PITPNM1: variants seen among roughly 807,000 people sequenced by gnomAD.
PITPNM1 encodes membrane-associated phosphatidylinositol transfer protein 1.
PITPNM1 carries 74 observed loss-of-function variants against 133.3 expected under a neutral mutation model. The observed-to-expected ratio is 0.56, with a 90% CI of 0.46 to 0.67. The LOEUF is 0.67. Ranked by LOEUF, PITPNM1 falls within the 30% of genes least tolerant of loss-of-function variation. The pLI, the probability that PITPNM1 is intolerant of heterozygous loss-of-function variation, is 0.00. For missense variants in PITPNM1, 1,398 were observed against 1,739.5 expected (o/e 0.80, Z 3.49); for synonymous variants, 738 against 741.4 (o/e 1.00, Z 0.08).
chr11:67,492,303 G>T lies in PITPNM1; in HGVS notation c.3472-7C>A. ...CATAGCCGTCTGACAGGAACTGTGG[G>T]CAGAGGTAGGCAGCGATGAGGGGGT... On this transcript the variant is annotated splice_region_variant and splice_polypyrimidine_tract_variant and intron_variant, in intron 23 of 23. Transcript: ENST00000356404. 6.5e-7 allele frequency: 1 copy of T among 1,546,760 alleles called. No individual in the cohort carries two copies.
In PITPNM1 at chr11:67,497,977, T is replaced by A. The variant is rs1591059858; in HGVS notation, c.1722A>T (p.Ala574=). Residue 574 remains alanine (A), a synonymous_variant, in exon 12 of 24, where the codon GCA becomes GCT. Coordinates refer to ENST00000356404, the MANE Select transcript of PITPNM1 (RefSeq NM_004910.3). ...DGVGGILGFD[A]LCHSANAGTG... ...TGCCCGCGTTAGCACTGTGGCAGAG[T>A]GCATCAAAGCCCAGGATGCCACCAA... The A allele has an allele frequency of 4.3e-6, 7 of 1,610,912 alleles. No individual in the cohort carries two copies. The highest frequency in any genetic ancestry group is 5.9e-6 in the Non-Finnish European group (7 of 1,179,910).
chr11:67,494,885 C>T lies in PITPNM1; in HGVS notation c.2703G>A (p.Arg901=), dbSNP rs1251923015. The T allele has an allele frequency of 1.2e-6, 2 of 1,612,888 alleles. No individual in the cohort carries two copies. Among genetic ancestry groups the T allele is most frequent in the South Asian group, 1.1e-5 (1 of 91,092 alleles). The change falls in exon 18 of 24, where the codon AGG becomes AGA. Residue 901 remains arginine, a synonymous_variant. Coordinates refer to ENST00000356404, the MANE Select transcript of PITPNM1 (RefSeq NM_004910.3). ...GCGTGCGTTTTCGCTGCCACTTCTC[C>T]CTGGGGAAGGCCGGGCTGTAGATGG... ...EPSIYSPAFP[R]EKWQRKRTQV... is the part of the protein sequence containing the mutation.
upstream of PITPNM1, among the ~76,000 whole-genome samples, chr11:67,505,571 G>A (rs1866480550): frequency 6.6e-6 from 1 of 152,190 alleles, no homozygotes; most frequent in Non-Finnish European, 1.5e-5. The surrounding 1 kb of genome is among the most constrained non-coding windows in gnomAD (Gnocchi z 5.8). Flanking sequence ...TGTGCTGATT[G>A]GGGTCCCCAA....
chr11:67,492,669 C>G (rs558072478), intron 23 of PITPNM1, among the ~76,000 whole-genome samples: 1 of 152,360 alleles, frequency 6.6e-6, no homozygotes, highest in South Asian at 2.1e-4. Flanking sequence ...AGCTGAGGCT[C>G]AGAAAGGTCA....
At position 67,493,744 on chromosome 11, in the gene PITPNM1, G is replaced by T. The variant is rs745914546; in HGVS notation, c.3102C>A (p.Ser1034Arg). 6.5e-7 allele frequency: 1 copy of T among 1,548,466 alleles called. No homozygotes were observed. Among genetic ancestry groups the T allele is most frequent in the Non-Finnish European group, 8.7e-7 (1 of 1,147,280 alleles). The change falls in exon 21 of 24, where the codon AGC becomes AGA. Residue 1034 changes from serine (S) to arginine (R), a missense_variant. Transcript: ENST00000356404. ...TGGGGTCGCTGCCCATGATGGAGAC[G>T]CTGGCGGTGAAGGAGCCGTCGATGC... ...VFSIDGSFTA[S>R]VSIMGSDPKV...
In PITPNM1 at chr11:67,502,244, A is replaced by G. The variant is rs760378877; in HGVS notation, c.415+48T>C. The stretch of plus-strand genomic sequence containing the variant: ...TCAGAGGCTGCCCACTGAGGCAGCC[A>G]GGAGCCTGAGAGGGGCGCCAGGGTC... On this transcript the variant is annotated intron_variant, in intron 4 of 23. Coordinates refer to ENST00000356404, the MANE Select transcript of PITPNM1 (RefSeq NM_004910.3). The surrounding 1 kb of genome is among the most constrained non-coding windows in gnomAD (Gnocchi z 5.9). The G allele has an allele frequency of 6.3e-7, 1 of 1,598,752 alleles. No homozygotes were observed. The highest frequency in any genetic ancestry group is 8.5e-7 in the Non-Finnish European group (1 of 1,172,690).
Position 67,504,234 on chromosome 11 carries a change from A to T in PITPNM1, c.-41-13T>A, listed in dbSNP as rs1866422270. On this transcript the variant is annotated splice_polypyrimidine_tract_variant and intron_variant, in intron 1 of 23. Coordinates refer to ENST00000356404, the MANE Select transcript of PITPNM1 (RefSeq NM_004910.3). This position sits in a 1 kb window ranked among gnomAD's most constrained non-coding sequence, Gnocchi z 5.4. ...GCCTCCGCTCCTCCTGGCGCAGGGC[A>T]CGGCGCGACAGTCAGTGCGGGGAGG... 7.4e-7 allele frequency: 1 copy of T among 1,358,636 alleles called. No individual in the cohort carries two copies. Among genetic ancestry groups the T allele is most frequent in the South Asian group, 1.3e-5 (1 of 79,466 alleles). The allele number at this position is 1,358,636 out of a possible 1,614,324, so 84.2% of individuals were successfully genotyped here.
chr11:67,497,410 G>T lies in PITPNM1; in HGVS notation c.1967C>A (p.Ser656Tyr). 1 of 1,591,552 alleles carries T rather than the reference G, an allele frequency of 6.3e-7. No individual in the cohort carries two copies. Among genetic ancestry groups the T allele is most frequent in the African/African-American group, 1.3e-5 (1 of 74,530 alleles). ...NSLQAAPATT[S>Y]SWEPRRASTA... ...GCTTGCCCGCCGGGGCTCCCAGGAGGAGGTGGTTGCGGGGGCTGCCTGAAG... is the reference window on the plus strand; with the variant it reads ...GCTTGCCCGCCGGGGCTCCCAGGAGTAGGTGGTTGCGGGGGCTGCCTGAAG... Residue 656 changes from serine (S) to tyrosine (Y), a missense_variant, in exon 14 of 24, where the codon TCC becomes TAC. Physicochemically the swap from Ser to Tyr is moderately radical, Grantham distance 144. Coordinates refer to ENST00000356404, the MANE Select transcript of PITPNM1 (RefSeq NM_004910.3).
intron 23 of PITPNM1, 84 bp downstream of exon 23, chr11:67,492,850 C>T (rs1865976329): frequency 2.0e-6 from 3 of 1,507,568 alleles, no homozygotes; most frequent in South Asian, 2.5e-5. Flanking sequence ...CACATCTTCC[C>T]CAGAGTCCGT....
intron 19 of PITPNM1, 31 bp downstream of exon 19, chr11:67,494,213 G>T (rs2134274667): frequency 3.1e-6 from 5 of 1,595,224 alleles, no homozygotes; most frequent in Non-Finnish European, 3.4e-6. Flanking sequence ...TGGGGCCATG[G>T]GACCAGGCGA....
chr11:67,500,257 G>T lies in PITPNM1; in HGVS notation c.805C>A (p.Gln269Lys). 6.2e-7 allele frequency: 1 copy of T among 1,607,272 alleles called. No homozygotes were observed. Residue 269 changes from glutamine (Q) to lysine (K), a missense_variant, in exon 6 of 24, where the codon CAG (glutamine) becomes AAG (lysine). Around this residue, in one of 5 missense-constraint regions of PITPNM1, gnomAD observed 195 missense variants for 178.8 expected, o/e 1.09. Coordinates refer to ENST00000356404, the MANE Select transcript of PITPNM1 (RefSeq NM_004910.3). ...CNTGSEGSEA[Q>K]PPGKPSTEAR... ...TCGGTGCTCGGTTTCCCGGGGGGCT[G>T]GGCCTCGGACCCCTCACTGCCTGTG...
chr11:67,494,146 TG>T, intron 19 of PITPNM1, 76 bp from the exon 20 acceptor site: 2 of 1,431,664 alleles, frequency 1.4e-6, no homozygotes, highest in Non-Finnish European at 1.9e-6. Context: ...TCGTCGGGGA[TG>T]GGTGGGTCTA....
At chr11:67,501,522 G>A (rs1591064937) in intron 5 of PITPNM1, among the ~76,000 whole-genome samples, 1 of 152,202 alleles carries the variant, frequency 6.6e-6, no homozygotes, top group African/African-American at 2.4e-5. Flanking sequence ...GCCTCAGCCT[G>A]CACTCCTTAG....
At chr11:67,492,481 C>G (rs915554346) in intron 23 of PITPNM1, among the ~76,000 whole-genome samples, 185 bp from the exon 24 acceptor site, 1 of 152,240 alleles carries the variant, frequency 6.6e-6, no homozygotes, top group Non-Finnish European at 1.5e-5. Context: ...GGCTGTGCTC[C>G]TAGCTCTGCC....
Position 67,492,206 on chromosome 11 carries a change from C to G in PITPNM1, c.3562G>C (p.Gly1188Arg). 6.2e-7 allele frequency: 1 copy of G among 1,610,926 alleles called. No individual in the cohort carries two copies. The highest frequency in any genetic ancestry group is 8.5e-7 in the Non-Finnish European group (1 of 1,179,344). Residue 1188 changes from glycine (G) to arginine (R), a missense_variant, in exon 24 of 24, where the codon GGC (glycine) becomes CGC (arginine). This residue lies in a region of PITPNM1 where 122 missense variants were observed against 123.3 expected (regional missense o/e 0.99). Transcript: ENST00000356404. ...ASSGPPRAALGKSSYGVAAPV... is the reference protein window; with the variant it reads ...ASSGPPRAALRKSSYGVAAPV... The stretch of plus-strand genomic sequence containing the variant: ...GCAGCCACACCATAGCTGCTCTTGC[C>G]CAAGGCAGCTCTCGGGGGTCCCGAG...
Position 67,501,879 on chromosome 11 carries a change from T to C in PITPNM1, c.623A>G (p.Gln208Arg). The stretch of plus-strand genomic sequence containing the variant: ...GTGCTCACCTACATCATGGATGAAC[T>C]GCTCGATCTTGGCTTGCATGCCCCA... The part of the protein sequence containing the change: ...RYWGMQAKIE[Q>R]FIHDVGLRRV... The change falls in exon 5 of 24, where the codon CAG becomes CGG. Residue 208 changes from glutamine (Q) to arginine (R), a missense_variant. Around this residue, in one of 5 missense-constraint regions of PITPNM1, gnomAD observed 274 missense variants for 360.7 expected, o/e 0.76. Transcript: ENST00000356404. 6.2e-7 allele frequency: 1 copy of C among 1,613,672 alleles called. No individual in the cohort carries two copies. The highest frequency in any genetic ancestry group is 1.6e-4 in the Middle Eastern group (1 of 6,062).
chr11:67,494,982 CTGTCTCT>C, intron 17 of PITPNM1, 26 bp from the exon 18 acceptor site: 3 of 1,610,108 alleles, frequency 1.9e-6, no homozygotes, highest in Non-Finnish European at 2.5e-6. Flanking sequence ...GGCGAGGCCT[CTGTCTCT>C]TAGGGGAGGG....
intron 18 of PITPNM1, 81 bp downstream of exon 18, chr11:67,494,765 G>A: frequency 5.9e-6 from 5 of 841,482 alleles, no homozygotes; most frequent in Non-Finnish European, 9.8e-6. Flanking sequence ...GGAGGGGGGT[G>A]CTGGGGGGAG....
intron 15 of PITPNM1, 138 bp downstream of exon 15, chr11:67,496,040 G>C: frequency 1.2e-6 from 1 of 858,424 alleles, no homozygotes; most frequent in Non-Finnish European, 1.7e-6. Context: ...CCCCCCCAGG[G>C]GGAAGGAGCG....
Sources: allele counts gnomAD v4.1 joint callset (sites outside exome capture counted in the v4.1 genomes callset), GRCh38; gene constraint gnomAD v4.1.1; regional missense constraint gnomAD v4.1.1; non-coding constraint Gnocchi (gnomAD v3.1); transcripts MANE v1.5; gene names NCBI Gene and HGNC (gene_info 2026-07-23, HGNC 2026-07-21).